The following DLG2 variants were observed in gnomAD, a reference collection of about 807,000 sequenced individuals.
The protein encoded by DLG2 is disks large homolog 2.
In DLG2, 45 loss-of-function variants were observed where a neutral mutation model predicts 132.5. The ratio of observed to expected loss-of-function variants is 0.34; its 90% CI spans 0.27 to 0.44. The LOEUF (loss-of-function observed/expected upper bound fraction) is 0.44, where lower values mean the gene tolerates loss of function less well. DLG2 is among the 20% of genes least tolerant of loss of function. The pLI is 1.00. For synonymous variants in DLG2, 424 were observed against 419.6 expected, an observed-to-expected ratio of 1.01 and a Z score of -0.13; for missense variants, 1,045 against 1,196.9, an observed-to-expected ratio of 0.87 and a Z score of 1.87.
chr11:84,521,140 C>T (rs1339378112), intron 7 of DLG2, among the ~76,000 whole-genome samples: 1 of 152,184 alleles, frequency 6.6e-6, no homozygotes, highest in Non-Finnish European at 1.5e-5. Flanking sequence ...CAATCTGATG[C>T]ACACAGTTTA....
chr11:84,337,230 G>T (rs1180381624), intron 7 of DLG2, among the ~76,000 whole-genome samples: 1 of 152,062 alleles, frequency 6.6e-6, no homozygotes, highest in East Asian at 1.9e-4. Flanking sequence ...GAGGTATCTG[G>T]CCTACTTCTT....
At chr11:84,004,174 C>A (rs1250937697) in intron 11 of DLG2, among the ~76,000 whole-genome samples, 3 of 151,976 alleles carry the variant, frequency 2.0e-5, no homozygotes, top group Non-Finnish European at 4.4e-5. Context: ...AACACATCTT[C>A]AAAAAATCCT....
chr11:84,259,243 G>A (rs1412615256), intron 7 of DLG2, among the ~76,000 whole-genome samples: 1 of 147,236 alleles, frequency 6.8e-6, no homozygotes, highest in Admixed American at 6.8e-5. Context: ...CTGTACTCCA[G>A]CCTGGGGAGA....
intron 6 of DLG2, among the ~76,000 whole-genome samples, chr11:84,750,193 G>A (rs1272764802): frequency 6.6e-6 from 1 of 151,910 alleles, no homozygotes. Flanking sequence ...TAGGGTACAT[G>A]TGCACGATAT....
At chr11:85,324,930 C>T (rs1000746607) in intron 3 of DLG2, among the ~76,000 whole-genome samples, 21 of 143,412 alleles carry the variant, frequency 1.5e-4, no homozygotes, top group African/African-American at 2.9e-4. Context: ...GTGCGCGAGC[C>T]GAAGCAGGGC....
At chr11:83,822,845 C>T (rs988171429) in intron 17 of DLG2, among the ~76,000 whole-genome samples, 1 of 152,084 alleles carries the variant, frequency 6.6e-6, no homozygotes, top group Non-Finnish European at 1.5e-5. Context: ...GGTAAATTCA[C>T]CAATCAAGCT....
chr11:85,069,935 A>C (rs927440822), intron 6 of DLG2, among the ~76,000 whole-genome samples: 4 of 152,138 alleles, frequency 2.6e-5, no homozygotes, highest in African/African-American at 7.2e-5. Flanking sequence ...TGGATTAAGA[A>C]AATGTGGCAC....
intron 3 of DLG2, among the ~76,000 whole-genome samples, chr11:85,321,207 G>C (rs185085769): frequency 1.9e-4 from 29 of 152,006 alleles, no homozygotes; most frequent in Non-Finnish European, 3.4e-4. Flanking sequence ...GGCTATGAGA[G>C]AGAAAAAGTA....
At chr11:85,464,212 T>A (rs2092709627) in intron 3 of DLG2, among the ~76,000 whole-genome samples, 3 of 152,322 alleles carry the variant, frequency 2.0e-5, no homozygotes, top group Middle Eastern at 3.4e-3. Context: ...ATTCTATGCA[T>A]TTTGTAATCA....
intron 6 of DLG2, among the ~76,000 whole-genome samples, chr11:84,658,425 T>C (rs2099690779): frequency 6.6e-6 from 1 of 152,142 alleles, no homozygotes; most frequent in Non-Finnish European, 1.5e-5. Context: ...GTCATGAGGC[T>C]GGAATTCTCG....
intron 4 of DLG2, among the ~76,000 whole-genome samples, chr11:85,203,225 A>T (rs72945972): frequency 0.026 from 3,875 of 151,750 alleles, 86 homozygotes; most frequent in East Asian, 0.093. Context: ...AAAAAATACA[A>T]AAGATCAATG....
intron 3 of DLG2, among the ~76,000 whole-genome samples, chr11:85,407,487 A>G (rs1325220003): frequency 6.6e-6 from 1 of 151,848 alleles, no homozygotes. Context: ...TAAACAACCA[A>G]ACAACTGCTG....
intron 6 of DLG2, among the ~76,000 whole-genome samples, chr11:84,772,539 C>T (rs2069611999): frequency 6.6e-6 from 1 of 152,108 alleles, no homozygotes; most frequent in Non-Finnish European, 1.5e-5. Flanking sequence ...TGGCCACACA[C>T]TTGGCCACAA....
At chr11:85,402,420 C>T (rs2088231366) in intron 3 of DLG2, among the ~76,000 whole-genome samples, 1 of 152,176 alleles carries the variant, frequency 6.6e-6, no homozygotes, top group South Asian at 2.1e-4. Flanking sequence ...CCATTCAGGA[C>T]ATAGGCATGT....
chr11:84,386,571 A>G (rs2098771161), intron 7 of DLG2, among the ~76,000 whole-genome samples: 1 of 152,112 alleles, frequency 6.6e-6, no homozygotes, highest in Non-Finnish European at 1.5e-5. Flanking sequence ...CCATAACAAT[A>G]TTTTCTACAT....
intron 18 of DLG2, chr11:83,651,871 T>A: frequency 2.1e-6 from 1 of 471,168 alleles, no homozygotes; most frequent in South Asian, 1.5e-5. Context: ...ACATTGGCTG[T>A]CAAAGGACAT....
At chr11:85,241,645 G>C (rs1407788862) in intron 4 of DLG2, among the ~76,000 whole-genome samples, 1 of 151,952 alleles carries the variant, frequency 6.6e-6, no homozygotes, top group Non-Finnish European at 1.5e-5. Context: ...TGTTAAATCA[G>C]AGTCACATGA....
chr11:84,688,131 T>C (rs1178737690), intron 6 of DLG2, among the ~76,000 whole-genome samples: 2 of 152,156 alleles, frequency 1.3e-5, no homozygotes, highest in Non-Finnish European at 2.9e-5. Flanking sequence ...GGAAACAGCA[T>C]GAGAACATGA....
At chr11:85,330,711 G>A (rs1270963206) in intron 3 of DLG2, among the ~76,000 whole-genome samples, 4 of 110,714 alleles carry the variant, frequency 3.6e-5, no homozygotes, top group East Asian at 2.6e-4. Context: ...GCACCAGCAT[G>A]GCACATGTAT....
Sources: allele counts gnomAD v4.1 joint callset (sites outside exome capture counted in the v4.1 genomes callset), GRCh38; gene constraint gnomAD v4.1.1; transcripts MANE v1.5; gene names NCBI Gene and HGNC (gene_info 2026-07-23, HGNC 2026-07-21).